Variants in TM4SF4 observed in about 807,000 individuals in gnomAD.
The protein encoded by TM4SF4 is transmembrane 4 L6 family member 4.
TM4SF4 carries 24 observed loss-of-function variants against 24.1 expected under a neutral mutation model. That is an observed-to-expected ratio of 1.00 (90% confidence interval 0.72 to 1.40). The LOEUF is 1.40. TM4SF4 is among the 40% of genes most tolerant of loss of function. The pLI is 0.00. For missense variants in TM4SF4, 254 were observed against 254.2 expected (o/e 1.00, Z 0.01); for synonymous variants, 113 against 97.0 (o/e 1.17, Z -0.97).
intron 2 of TM4SF4, among the ~76,000 whole-genome samples, chr3:149,476,817 T>TG (rs999948609): frequency 3.4e-5 from 4 of 116,456 alleles, no homozygotes; most frequent in Admixed American, 9.4e-5. Flanking sequence ...TGTTTTTGTT[T>TG]TTTTTTTTTT....
At chr3:149,494,193 A>C (rs1271551161) in intron 3 of TM4SF4, among the ~76,000 whole-genome samples, 1 of 152,154 alleles carries the variant, frequency 6.6e-6, no homozygotes, top group Non-Finnish European at 1.5e-5. Flanking sequence ...CCAGACTCTC[A>C]AAGACTGCCA....
intron 2 of TM4SF4, among the ~76,000 whole-genome samples, chr3:149,476,792 GTTTTTTTTTGTTTTTGTTTTTGTTTTT>G (rs1733936543): frequency 9.7e-6 from 1 of 102,854 alleles, no homozygotes; most frequent in Non-Finnish European, 2.2e-5. Flanking sequence ...TTTCTTTTCT[GTTTTTTTTTGTTTTTGTTTTTGTTTTT>G]TTTTTTTTTT....
chr3:149,488,919 T>C (rs1289068620), intron 3 of TM4SF4, among the ~76,000 whole-genome samples: 1 of 152,166 alleles, frequency 6.6e-6, no homozygotes, highest in Non-Finnish European at 1.5e-5. Context: ...CCTCTACGTA[T>C]TCATTTACTG....
At chr3:149,488,630 A>C (rs1452858945) in intron 3 of TM4SF4, among the ~76,000 whole-genome samples, 3 of 152,226 alleles carry the variant, frequency 2.0e-5, no homozygotes, top group Non-Finnish European at 1.5e-5. Context: ...TATTTCAAGT[A>C]CCCAGTAGCC....
chr3:149,502,768 G>A lies in TM4SF4; in HGVS notation c.*75G>A. ...TTTTCATAAAACTTCTTCTCTTCTTGGAATTATTAATTCCTATCTGCTTCC... is the reference window on the plus strand; with the variant it reads ...TTTTCATAAAACTTCTTCTCTTCTTAGAATTATTAATTCCTATCTGCTTCC... On this transcript the variant is annotated 3_prime_UTR_variant, in exon 5 of 5. Transcript: ENST00000305354. 1 of 1,112,232 alleles carries A rather than the reference G, an allele frequency of 9.0e-7. No homozygotes were observed. The highest frequency in any genetic ancestry group is 1.4e-6 in the Non-Finnish European group (1 of 735,646). The allele number at this position is 1,112,232 out of a possible 1,614,324, so 68.9% of individuals were successfully genotyped here. A position where few individuals can be genotyped will look rare whatever the true frequency, so the allele number is the denominator to read the frequency against.
chr3:149,475,516 G>A (rs1298704573), intron 1 of TM4SF4, among the ~76,000 whole-genome samples: 1 of 152,216 alleles, frequency 6.6e-6, no homozygotes, highest in East Asian at 1.9e-4. Context: ...GTTTGAGAGA[G>A]TGAAAGGGAG....
At chr3:149,479,464 A>T (rs754090768) in intron 2 of TM4SF4, among the ~76,000 whole-genome samples, 39 of 151,340 alleles carry the variant, frequency 2.6e-4, no homozygotes, top group Middle Eastern at 3.4e-3. Flanking sequence ...CTCCCCACTC[A>T]GCCTCCTGAG....
chr3:149,476,676 T>C (rs1336442745), intron 2 of TM4SF4, among the ~76,000 whole-genome samples: 1 of 152,230 alleles, frequency 6.6e-6, no homozygotes, highest in Non-Finnish European at 1.5e-5. Context: ...TGCTATATCT[T>C]TCCACAACAT....
chr3:149,475,792 A>G (rs1560027784), intron 1 of TM4SF4, 31 bp from the exon 2 acceptor site: 1 of 1,574,756 alleles, frequency 6.4e-7, no homozygotes, highest in South Asian at 1.2e-5. Flanking sequence ...CAACTCCTGG[A>G]CTCTCTCTGA....
chr3:149,475,543 T>C (rs577177009), intron 1 of TM4SF4, among the ~76,000 whole-genome samples: 8 of 152,330 alleles, frequency 5.3e-5, no homozygotes, highest in African/African-American at 1.9e-4. Context: ...TCACTCTTCA[T>C]GACAATTGAG....
intron 3 of TM4SF4, chr3:149,494,510 G>A (rs952097134): frequency 6.6e-6 from 1 of 151,914 alleles, no homozygotes; most frequent in Non-Finnish European, 1.5e-5. Flanking sequence ...TAATTACCAA[G>A]TTTTAAAATT....
intron 3 of TM4SF4, among the ~76,000 whole-genome samples, chr3:149,493,092 G>T (rs1392581195): frequency 1.3e-5 from 2 of 152,144 alleles, no homozygotes; most frequent in Non-Finnish European, 2.9e-5. Flanking sequence ...ACTCAGCACA[G>T]TTCCTACCAC....
In TM4SF4 at chr3:149,474,843, C is replaced by A; in HGVS notation, c.-35C>A. 6.3e-7 allele frequency: 1 copy of A among 1,575,378 alleles called. No homozygotes were observed. The highest frequency in any genetic ancestry group is 1.4e-5 in the African/African-American group (1 of 73,062). ...GCCCCGTGAAGGAGGCAGTGAGGAG[C>A]TTTTGATTGCTGACCTGTGTCGTAC... On this transcript the variant is annotated 5_prime_UTR_variant, in exon 1 of 5. Transcript: ENST00000305354.
At chr3:149,499,730 T>C (rs79344758) in intron 4 of TM4SF4, among the ~76,000 whole-genome samples, 12,998 of 151,964 alleles carry the variant, frequency 0.086, 1,090 homozygotes, top group East Asian at 0.43. Flanking sequence ...AATAAGAAGG[T>C]CAAGCATAGT....
rs1231870074 is a variant in TM4SF4 at position 149,474,754 on chromosome 3, C to A, written c.-124C>A. 4 of 1,077,610 alleles carry A rather than the reference C, an allele frequency of 3.7e-6. No individual in the cohort carries two copies. Among genetic ancestry groups the A allele is most frequent in the Non-Finnish European group, 5.2e-6 (4 of 773,052 alleles). 66.8% of individuals were successfully genotyped at this position (1,077,610 alleles called of 1,614,324 possible). On this transcript the variant is annotated 5_prime_UTR_variant, in exon 1 of 5. Transcript: ENST00000305354. ...CAGTTCACAGAAATTTGGTTCTCAG[C>A]CCCAAAATACTGATTGAATTGGAGA...
chr3:149,494,372 G>A (rs892793555), intron 3 of TM4SF4, among the ~76,000 whole-genome samples: 11 of 152,304 alleles, frequency 7.2e-5, no homozygotes, highest in Admixed American at 6.5e-4. Context: ...CCACCAGGAG[G>A]TGCTGTCATG....
intron 3 of TM4SF4, among the ~76,000 whole-genome samples, chr3:149,496,679 A>G (rs1734316947): frequency 6.7e-6 from 1 of 150,300 alleles, no homozygotes; most frequent in Non-Finnish European, 1.5e-5. Context: ...GAAGCAGGAG[A>G]ACCGCTTGAA....
intron 3 of TM4SF4, chr3:149,494,974 C>G (rs1734284734): frequency 5.3e-6 from 1 of 187,292 alleles, no homozygotes; most frequent in African/African-American, 2.4e-5. Flanking sequence ...CTCAGTCTGA[C>G]TGTGCTATCC....
At chr3:149,487,475 C>G in intron 2 of TM4SF4, 144 bp from the exon 3 acceptor site, 1 of 890,530 alleles carries the variant, frequency 1.1e-6, no homozygotes, top group Non-Finnish European at 1.7e-6. Context: ...CTAGAAGACC[C>G]CACAGGCCCC....
Sources: gnomAD v4.1 joint callset for allele counts (sites outside exome capture counted in the v4.1 genomes callset) on GRCh38, gnomAD v4.1.1 for gene constraint, MANE v1.5 for transcripts, NCBI Gene and HGNC (gene_info 2026-07-23, HGNC 2026-07-21) for gene names.